The following LOXHD1 variants were observed in gnomAD, a reference collection of about 807,000 sequenced individuals.
LOXHD1 encodes the protein lipoxygenase homology PLAT domains 1, also known as lipoxygenase homology domain-containing protein 1.
LOXHD1 carries 205 observed loss-of-function variants against 248.2 expected under a neutral mutation model. That is an observed-to-expected ratio of 0.83 (90% CI 0.74 to 0.93). The LOEUF (loss-of-function observed/expected upper bound fraction) is 0.93. LOXHD1 is among the 40% of genes least tolerant of loss of function. The pLI is 0.00. For missense variants in LOXHD1, 2,930 were observed against 2,971.6 expected, an observed-to-expected ratio of 0.99 and a Z score of 0.33; for synonymous variants, 1,113 against 1,162.8, an observed-to-expected ratio of 0.96 and a Z score of 0.87.
chr18:46,653,107 C>T (rs986936303), intron 1 of LOXHD1, among the ~76,000 whole-genome samples: 6 of 152,196 alleles, frequency 3.9e-5, no homozygotes, highest in East Asian at 1.9e-4. Context: ...ATTAGCCAGG[C>T]GTGGTGGCGC....
At chr18:46,511,159 AC>A (rs930127715) in intron 34 of LOXHD1, among the ~76,000 whole-genome samples, 4 of 152,066 alleles carry the variant, frequency 2.6e-5, no homozygotes, top group African/African-American at 9.7e-5. Context: ...GATTACATTT[AC>A]CCCCTCACCC....
chr18:46,519,649 A>G (rs981482907), intron 33 of LOXHD1, among the ~76,000 whole-genome samples: 4 of 152,224 alleles, frequency 2.6e-5, no homozygotes, highest in African/African-American at 9.7e-5. Context: ...TTATCCAGGC[A>G]GGCATAAAAA....
Position 46,518,223 on chromosome 18 carries a change from C to T in LOXHD1, c.5305G>A (p.Val1769Met), listed in dbSNP as rs2035368779. ...LYEMTVWTGD[V>M]VGGGTDSNIF... ...TTGGAGTCAGTGCCCCCGCCAACCA[C>T]ATCCCCTGTCCACACCGTCATTTCA... The change falls in exon 34 of 41, where the codon GTG (valine) becomes ATG (methionine). Residue 1769 changes from valine to methionine, a missense_variant. Transcript: ENST00000642948. The T allele has an allele frequency of 6.4e-7, 1 of 1,551,728 alleles. No homozygotes were observed. Among genetic ancestry groups the T allele is most frequent in the Non-Finnish European group, 8.7e-7 (1 of 1,147,000 alleles).
intron 1 of LOXHD1, among the ~76,000 whole-genome samples, chr18:46,651,398 C>T (rs531256848): frequency 6.6e-6 from 1 of 152,300 alleles, no homozygotes; most frequent in Non-Finnish European, 1.5e-5. Context: ...TGACTCCTCT[C>T]AGCACAGACC....
intron 4 of LOXHD1, among the ~76,000 whole-genome samples, chr18:46,620,317 G>A (rs2038650532): frequency 6.6e-6 from 1 of 152,222 alleles, no homozygotes; most frequent in South Asian, 2.1e-4. Flanking sequence ...AGGGTGGCAA[G>A]ATGCCTAGGG....
rs2144170262 is a variant in LOXHD1, at chr18:46,524,852, G to A, written c.4596C>T (p.Asp1532=). The A allele has an allele frequency of 7.1e-6, 11 of 1,551,790 alleles. No individual in the cohort carries two copies. Among genetic ancestry groups the A allele is most frequent in the Non-Finnish European group, 9.6e-6 (11 of 1,147,016 alleles). Residue 1532 remains aspartate, a synonymous_variant, in exon 30 of 41, where the codon GAC becomes GAT. Transcript: ENST00000642948. ...GVIYKIKLRH[D]NSKWCADWYV... Reference sequence around the variant, plus strand: ...ACCAGTCTGCGCACCACTTGGAGTTGTCATGGCGGAGCTTGATCTTGTAGA... The same window carrying A: ...ACCAGTCTGCGCACCACTTGGAGTTATCATGGCGGAGCTTGATCTTGTAGA...
At chr18:46,625,823 C>T (rs1048843063) in intron 4 of LOXHD1, among the ~76,000 whole-genome samples, 4 of 152,178 alleles carry the variant, frequency 2.6e-5, no homozygotes, top group South Asian at 4.1e-4. Context: ...AGTCACTCGT[C>T]CTCCTTTGCT....
chr18:46,508,333 G>C (rs1322587917), intron 35 of LOXHD1, among the ~76,000 whole-genome samples: 1 of 152,190 alleles, frequency 6.6e-6, no homozygotes, highest in Non-Finnish European at 1.5e-5. Context: ...TTAGAAAGGG[G>C]ATTGTTATAG....
At chr18:46,628,399 C>G (rs991061349) in intron 4 of LOXHD1, among the ~76,000 whole-genome samples, 19 of 152,170 alleles carry the variant, frequency 1.2e-4, no homozygotes, top group African/African-American at 4.6e-4. Flanking sequence ...CTTGCCCCCA[C>G]CTGGGAATTC....
intron 14 of LOXHD1, among the ~76,000 whole-genome samples, chr18:46,577,265 G>A (rs1164386138): frequency 2.0e-5 from 3 of 152,080 alleles, no homozygotes; most frequent in African/African-American, 7.2e-5. Context: ...TGAATAAATT[G>A]CAGAAAGGAA....
chr18:46,526,335 AAG>A (rs2035828200), intron 29 of LOXHD1, among the ~76,000 whole-genome samples: 1 of 152,208 alleles, frequency 6.6e-6, no homozygotes, highest in South Asian at 2.1e-4. Context: ...GGCTATAGAG[AAG>A]AGTCACCTCC....
At chr18:46,493,897 T>A (rs765828581) in intron 37 of LOXHD1, among the ~76,000 whole-genome samples, 1 of 152,220 alleles carries the variant, frequency 6.6e-6, no homozygotes, top group Non-Finnish European at 1.5e-5. Flanking sequence ...ACTCCAATCA[T>A]CTTATCTCTC....
At chr18:46,594,488 G>A (rs1468461855) in intron 8 of LOXHD1, 22 bp from the exon 9 acceptor site, 1 of 1,550,694 alleles carries the variant, frequency 6.4e-7, no homozygotes, top group African/African-American at 1.4e-5. Context: ...GGAGCACAGT[G>A]TCTCCGGCAT....
At chr18:46,604,868 C>A (rs1329018611) in intron 6 of LOXHD1, among the ~76,000 whole-genome samples, 2 of 152,178 alleles carry the variant, frequency 1.3e-5, no homozygotes, top group Non-Finnish European at 2.9e-5. Flanking sequence ...ACTGAAAACT[C>A]GCTCTAGGAT....
chr18:46,628,391 TG>T (rs1304542233), intron 4 of LOXHD1, among the ~76,000 whole-genome samples: 3 of 152,170 alleles, frequency 2.0e-5, no homozygotes, highest in African/African-American at 4.8e-5. Flanking sequence ...CTGGAGTCCT[TG>T]CCCCCACCTG....
At position 46,601,244 on chromosome 18, in the gene LOXHD1, A is replaced by C. The variant is rs1599040654; in HGVS notation, c.1107T>G (p.Gly369=). The C allele has an allele frequency of 6.4e-7, 1 of 1,551,638 alleles. No individual in the cohort carries two copies. The highest frequency in any genetic ancestry group is 8.7e-7 in the Non-Finnish European group (1 of 1,146,934). ...TCTCACAGAACCAGCCTCTGTTGAC[A>C]CCCACATTGCCATGCCCGACGGAGA... ...SRVSVGHGNV[G]VNRGWFCEKV... The change falls in exon 8 of 41, where the codon GGT becomes GGG. Residue 369 remains glycine, a synonymous_variant. Coordinates refer to ENST00000642948, the MANE Select transcript of LOXHD1 (RefSeq NM_001384474.1).
intron 6 of LOXHD1, among the ~76,000 whole-genome samples, chr18:46,604,931 G>T (rs1411983899): frequency 6.6e-6 from 1 of 152,068 alleles, no homozygotes; most frequent in Non-Finnish European, 1.5e-5. Flanking sequence ...TACAATATGG[G>T]CAGAGGATAA....
chr18:46,603,538 G>A (rs2038369888), intron 7 of LOXHD1, among the ~76,000 whole-genome samples: 1 of 152,164 alleles, frequency 6.6e-6, no homozygotes, highest in African/African-American at 2.4e-5. Flanking sequence ...GACCATGACT[G>A]CCATGCTGGG....
In LOXHD1 at chr18:46,499,450, C is replaced by A. The variant is rs573309521; in HGVS notation, c.5878+6388G>T. Among the ~76,000 whole-genome samples, 55 of 152,068 alleles carry A rather than the reference C, an allele frequency of 3.6e-4. 1 individual carries two copies. Among genetic ancestry groups the A allele is most frequent in the African/African-American group, 1.3e-3 (55 of 41,486 alleles). The stretch of plus-strand genomic sequence containing the variant: ...AGGGCTGAAATGAAAGTTTAGAGAT[C>A]TAGGAAAAAAGAAGAGAGAGAATAA... On this transcript the variant is annotated intron_variant, in intron 37 of 40. Coordinates refer to ENST00000642948, the MANE Select transcript of LOXHD1 (RefSeq NM_001384474.1).
Sources: gnomAD v4.1 joint callset for allele counts (sites outside exome capture counted in the v4.1 genomes callset) on GRCh38, gnomAD v4.1.1 for gene constraint, MANE v1.5 for transcripts, NCBI Gene and HGNC (gene_info 2026-07-23, HGNC 2026-07-21) for gene names.